Variants in BBS9 observed in about 807,000 individuals in gnomAD.
The protein encoded by BBS9 is Bardet-Biedl syndrome 9.
A neutral mutation model predicts 117.7 loss-of-function variants in BBS9; 89 were observed. That is an observed-to-expected ratio of 0.76 (90% confidence interval 0.64 to 0.90). BBS9 has a LOEUF of 0.90. Ranked by LOEUF, BBS9 falls within the 40% of genes least tolerant of loss-of-function variation. The pLI is 0.00. For missense variants in BBS9, 982 were observed against 1,042.2 expected, an observed-to-expected ratio of 0.94 and a Z score of 0.80; for synonymous variants, 379 against 370.9, an observed-to-expected ratio of 1.02 and a Z score of -0.25.
intron 19 of BBS9, among the ~76,000 whole-genome samples, chr7:33,456,964 G>A (rs992948238): frequency 3.9e-5 from 6 of 152,176 alleles, no homozygotes; most frequent in African/African-American, 1.4e-4. Flanking sequence ...GTGGGATGAG[G>A]ATTAATTAAG....
At chr7:33,630,632 C>G (rs1432083122) in intron 21 of BBS9, among the ~76,000 whole-genome samples, 1 of 152,136 alleles carries the variant, frequency 6.6e-6, no homozygotes, top group East Asian at 1.9e-4. Flanking sequence ...TTCAGCAGAT[C>G]CTCACAGCTT....
intron 19 of BBS9, among the ~76,000 whole-genome samples, chr7:33,427,291 C>T (rs993773725): frequency 6.6e-6 from 1 of 152,184 alleles, no homozygotes; most frequent in African/African-American, 2.4e-5. Context: ...TTTGCAATTA[C>T]AGTAAAATCT....
rs534476245 is a variant in BBS9, at chr7:33,428,494, A to G, written c.2115+40350A>G. Among the ~76,000 whole-genome samples, 152 of 152,240 alleles carry G rather than the reference A, an allele frequency of 1.0e-3. 1 individual carries two copies. Among genetic ancestry groups the G allele is most frequent in the African/African-American group, 3.4e-3 (143 of 41,552 alleles). ...GCAGTCCAAAGTAAAGGGAGTATTT[A>G]TGACATTTTAAAAAGCAAAACAGGA... is the stretch of plus-strand genomic sequence containing the variant. On this transcript the variant is annotated intron_variant, in intron 19 of 22. Coordinates refer to ENST00000242067, the MANE Select transcript of BBS9 (RefSeq NM_198428.3).
intron 9 of BBS9, among the ~76,000 whole-genome samples, chr7:33,309,986 G>T (rs949434138): frequency 6.6e-6 from 1 of 152,180 alleles, no homozygotes; most frequent in Non-Finnish European, 1.5e-5. Flanking sequence ...AAGTCCAGTG[G>T]CATCGGAGCC....
chr7:33,432,352 G>A (rs556463282), intron 19 of BBS9, among the ~76,000 whole-genome samples: 6 of 150,912 alleles, frequency 4.0e-5, no homozygotes, highest in East Asian at 3.9e-4. Context: ...CTCGTGATCC[G>A]CCCACCTCGG....
chr7:33,418,058 T>C (rs1283710844), intron 19 of BBS9, among the ~76,000 whole-genome samples: 1 of 152,204 alleles, frequency 6.6e-6, no homozygotes, highest in Non-Finnish European at 1.5e-5. Context: ...ACAGCATGCC[T>C]AGTATAGGGT....
At chr7:33,627,940 A>T (rs1039572432) in intron 21 of BBS9, among the ~76,000 whole-genome samples, 4 of 152,104 alleles carry the variant, frequency 2.6e-5, no homozygotes, top group African/African-American at 9.7e-5. Context: ...GCTACTTGGC[A>T]AACTGAAGAG....
chr7:33,201,965 G>A (rs1785949672), intron 5 of BBS9, among the ~76,000 whole-genome samples: 1 of 152,188 alleles, frequency 6.6e-6, no homozygotes, highest in Non-Finnish European at 1.5e-5. Context: ...TCGGCTGTAA[G>A]TGATGGATGA....
chr7:33,239,625 A>G (rs1325015208), intron 5 of BBS9, among the ~76,000 whole-genome samples: 1 of 152,102 alleles, frequency 6.6e-6, no homozygotes, highest in Non-Finnish European at 1.5e-5. Flanking sequence ...AAATATTTTA[A>G]TCTTTTGTTA....
At chr7:33,141,859 A>C (rs1791515678) in intron 1 of BBS9, among the ~76,000 whole-genome samples, 1 of 151,490 alleles carries the variant, frequency 6.6e-6, no homozygotes, top group South Asian at 2.1e-4. Context: ...TTAATATTTT[A>C]GCTTTTTGGA....
At chr7:33,169,955 T>G (rs1299903410) in intron 4 of BBS9, among the ~76,000 whole-genome samples, 3 of 152,124 alleles carry the variant, frequency 2.0e-5, no homozygotes, top group African/African-American at 7.2e-5. Flanking sequence ...GTCTAACGTT[T>G]AAGTCTTTAA....
chr7:33,519,941 A>G (rs527366402), intron 20 of BBS9, among the ~76,000 whole-genome samples: 1 of 152,256 alleles, frequency 6.6e-6, no homozygotes, highest in East Asian at 1.9e-4. Flanking sequence ...ATACCCACTC[A>G]TAGGGTAGTC....
In BBS9 at chr7:33,290,590, G is replaced by C. The variant is rs1403515070; in HGVS notation, c.1016+16634G>C. Among the ~76,000 whole-genome samples, 6 of 152,154 alleles carry C rather than the reference G, an allele frequency of 3.9e-5. No individual in the cohort carries two copies. The East Asian group carries it at 1.2e-3, about 29-fold the overall frequency. Reference sequence around the variant, plus strand: ...AAGGCAAAATTTAGAACTTTTTACAGAGTTTTATTAAACTACAAGTTTGCA... The same window carrying C: ...AAGGCAAAATTTAGAACTTTTTACACAGTTTTATTAAACTACAAGTTTGCA... On this transcript the variant is annotated intron_variant, in intron 9 of 22. Coordinates refer to ENST00000242067, the MANE Select transcript of BBS9 (RefSeq NM_198428.3).
chr7:33,169,897 T>G (rs71532568), intron 4 of BBS9, among the ~76,000 whole-genome samples: 1 of 151,670 alleles, frequency 6.6e-6, no homozygotes, highest in Non-Finnish European at 1.5e-5. Flanking sequence ...ATGCCTATGT[T>G]CTGAATGGTA....
rs543075049 is a variant in BBS9, at chr7:33,569,653, T to G, written c.2522-35212T>G. ...GGCTGGCGCCTATAGTCCTAGCTAC[T>G]CAGGAGGCTGAGGCAGGAGAATGGC... On this transcript the variant is annotated intron_variant, in intron 21 of 22. Transcript: ENST00000242067. Among the ~76,000 whole-genome samples the G allele has an allele frequency of 2.2e-3, 330 of 150,998 alleles. 3 individuals carry two copies. The highest frequency in any genetic ancestry group is 7.6e-3 in the African/African-American group (313 of 41,160).
intron 9 of BBS9, among the ~76,000 whole-genome samples, chr7:33,335,160 A>G (rs962533288): frequency 1.3e-5 from 2 of 152,328 alleles, no homozygotes; most frequent in Non-Finnish European, 2.9e-5. Context: ...CTTATCTGTT[A>G]TATACTTTAT....
intron 19 of BBS9, among the ~76,000 whole-genome samples, chr7:33,484,523 C>T (rs988988245): frequency 4.6e-5 from 7 of 151,912 alleles, no homozygotes; most frequent in African/African-American, 1.7e-4. Context: ...TGACTGCAGC[C>T]AACAAACAGG....
At chr7:33,492,100 G>T (rs1027287920) in intron 19 of BBS9, among the ~76,000 whole-genome samples, 1 of 149,396 alleles carries the variant, frequency 6.7e-6, no homozygotes, top group Non-Finnish European at 1.5e-5. Flanking sequence ...CTACTCAGGA[G>T]ACTGAGGCAT....
intron 16 of BBS9, among the ~76,000 whole-genome samples, chr7:33,363,389 C>T (rs541441040): frequency 1.2e-4 from 18 of 152,300 alleles, no homozygotes; most frequent in Admixed American, 3.9e-4. Context: ...AGGCGTGAGC[C>T]ACCCCACTTG....
Sources: gnomAD v4.1 joint callset for allele counts (sites outside exome capture counted in the v4.1 genomes callset) on GRCh38, gnomAD v4.1.1 for gene constraint, MANE v1.5 for transcripts, NCBI Gene and HGNC (gene_info 2026-07-23, HGNC 2026-07-21) for gene names.